Variants in PRR5 observed in about 807,000 individuals in gnomAD.
PRR5 encodes proline rich 5.
A neutral mutation model predicts 30.6 loss-of-function variants in PRR5; 25 were observed. The observed-to-expected ratio is 0.82, with a 90% CI of 0.60 to 1.14. PRR5 has a LOEUF of 1.14. Among genes scored for constraint, PRR5 ranks in the 50% most tolerant of loss-of-function variants. PRR5 has a pLI of 0.00. For missense variants in PRR5, 600 were observed against 547.1 expected, an observed-to-expected ratio of 1.10 and a Z score of -0.96; for synonymous variants, 286 against 247.1, an observed-to-expected ratio of 1.16 and a Z score of -1.48.
chr22:44,669,445 C>T (rs1009616440), intron 1 of PRR5, among the ~76,000 whole-genome samples: 2 of 152,150 alleles, frequency 1.3e-5, no homozygotes, highest in Non-Finnish European at 2.9e-5. Flanking sequence ...GACAGAGACT[C>T]CAGGGCTGGA....
At chr22:44,668,770 C>T (rs1923234376) in exon 1 of PRR5, 1 of 148,802 alleles carries the variant, frequency 6.7e-6, no homozygotes, top group Non-Finnish European at 1.5e-5. Flanking sequence ...TCTGGCTCTG[C>T]GCGGTGGCAG....
chr22:44,688,489 T>C (rs1227154089), intron 1 of PRR5, among the ~76,000 whole-genome samples: 1 of 152,200 alleles, frequency 6.6e-6, no homozygotes, highest in Non-Finnish European at 1.5e-5. Flanking sequence ...CTGCTTAGGC[T>C]TGGAACCCAG....
rs1569111635 is a variant in PRR5 at position 44,732,849 on chromosome 22, CACGT to C, written c.555+459_555+462del. Among the ~76,000 whole-genome samples the C allele has an allele frequency of 7.2e-5, 10 of 138,212 alleles. No individual in the cohort carries two copies. The East Asian group carries it at 1.6e-3, about 22-fold the overall frequency. 90.7% of individuals were successfully genotyped at this position (138,212 alleles called of 152,430 possible). A position where few individuals can be genotyped will look rare whatever the true frequency, so the allele number is the denominator to read the frequency against. On this transcript the variant is annotated intron_variant, in intron 6 of 7. Coordinates refer to ENST00000336985, the MANE Select transcript of PRR5 (RefSeq NM_181333.4). ...CACGCACATACTACACACGTGCACA[CACGT>C]GCACACGCACATACTACACACTGCA...
chr22:44,708,966 CAAAAAAAAAAA>C (rs60854330), intron 1 of PRR5, among the ~76,000 whole-genome samples: 18,879 of 64,500 alleles, frequency 0.29, 1,667 homozygotes, highest in South Asian at 0.4. Flanking sequence ...GACTCTGTCT[CAAAAAAAAAAA>C]AAAAAAAAAA....
At chr22:44,678,743 G>A (rs533533666) in intron 1 of PRR5, among the ~76,000 whole-genome samples, 36 of 152,324 alleles carry the variant, frequency 2.4e-4, no homozygotes, top group African/African-American at 8.4e-4. Flanking sequence ...CTCTGCTCAT[G>A]CCTTTGGGCC....
At chr22:44,732,913 TAC>T (rs750267452) in intron 6 of PRR5, among the ~76,000 whole-genome samples, 20,867 of 141,498 alleles carry the variant, frequency 0.15, 2,173 homozygotes, top group East Asian at 0.27. Context: ...GCATACACAC[TAC>T]ACACGTGCGC....
rs1569071007 is a variant in PRR5 at position 44,690,695 on chromosome 22, G to A, written c.-10-11797G>A. On this transcript the variant is annotated intron_variant, in intron 1 of 8. Coordinates refer to the PRR5 transcript ENST00000006251. ...GGCTGCACAGCCCATGCTCTGAATC[G>A]CACTTTACTACCCACTGTTATTATT... is the stretch of plus-strand genomic sequence containing the variant. 3.9e-5 allele frequency among the ~76,000 whole-genome samples: 6 copies of A among 152,290 alleles called. No homozygotes were observed. The South Asian group carries it at 1.0e-3, about 26-fold the overall frequency.
At chr22:44,720,514 A>T (rs1929762764) in intron 2 of PRR5, among the ~76,000 whole-genome samples, 1 of 152,172 alleles carries the variant, frequency 6.6e-6, no homozygotes, top group South Asian at 2.1e-4. Context: ...AAGGGGTCTC[A>T]CAGGTCAGGA....
rs747667470 is a variant in PRR5 at position 44,735,170 on chromosome 22, T to C, written c.691+8T>C. The C allele has an allele frequency of 8.1e-6, 13 of 1,611,102 alleles. 1 individual carries two copies. The South Asian group carries it at 1.2e-4, about 15-fold the overall frequency. Reference sequence around the variant, plus strand: ...CCCATTCCTGCATCCTGGGTAGGGGTCCGCCTGGGCCTTGGGCTGGGGCAG... The same window carrying C: ...CCCATTCCTGCATCCTGGGTAGGGGCCCGCCTGGGCCTTGGGCTGGGGCAG... On this transcript the variant is annotated splice_region_variant and intron_variant, in intron 7 of 7. Coordinates refer to ENST00000336985, the MANE Select transcript of PRR5 (RefSeq NM_181333.4).
chr22:44,728,545 G>A (rs1206669590), intron 4 of PRR5, among the ~76,000 whole-genome samples: 2 of 152,264 alleles, frequency 1.3e-5, no homozygotes, highest in African/African-American at 4.8e-5. Flanking sequence ...TTCCACCTTG[G>A]CAGTCAGAGA....
chr22:44,675,294 C>T (rs1268868962), upstream of PRR5, among the ~76,000 whole-genome samples: 1 of 152,028 alleles, frequency 6.6e-6, no homozygotes, highest in African/African-American at 2.4e-5. Flanking sequence ...GGTTTTGCCA[C>T]GTTGCCCAGG....
chr22:44,733,192 G>C (rs1922550138), intron 6 of PRR5, among the ~76,000 whole-genome samples: 1 of 152,222 alleles, frequency 6.6e-6, no homozygotes, highest in Non-Finnish European at 1.5e-5. Context: ...AAAGGAGTGG[G>C]GCCCCCAGTG....
chr22:44,684,855 T>G (rs1039803058), intron 1 of PRR5, among the ~76,000 whole-genome samples: 5 of 152,200 alleles, frequency 3.3e-5, no homozygotes, highest in African/African-American at 1.2e-4. Flanking sequence ...TGGTGAAATG[T>G]CATCTCTGGA....
At chr22:44,684,009 G>A (rs1924520364) in intron 1 of PRR5, among the ~76,000 whole-genome samples, 1 of 152,232 alleles carries the variant, frequency 6.6e-6, no homozygotes, top group Non-Finnish European at 1.5e-5. Flanking sequence ...GCAGCGACAG[G>A]TAGGGTGTGT....
chr22:44,694,134 G>A (rs1449178543), intron 1 of PRR5, among the ~76,000 whole-genome samples: 1 of 152,192 alleles, frequency 6.6e-6, no homozygotes, highest in African/African-American at 2.4e-5. Flanking sequence ...GGCCAAGAAG[G>A]GCCAGCACGT....
In PRR5 at chr22:44,691,692, T is replaced by C. The variant is rs1286930658; in HGVS notation, c.-10-10800T>C. Among the ~76,000 whole-genome samples the C allele has an allele frequency of 6.6e-6, 1 of 152,036 alleles. No homozygotes were observed. The highest frequency in any genetic ancestry group is 1.5e-5 in the Non-Finnish European group (1 of 67,982). ...AGGAGGCTGAGGAAGGAGAATCGCT[T>C]GAACCTGGGAGGTAGAGGCTGCAGT... On this transcript the variant is annotated intron_variant, in intron 1 of 8. Coordinates refer to the PRR5 transcript ENST00000006251. The surrounding 1 kb of genome is among the most constrained non-coding windows in gnomAD (Gnocchi z 4.4).
At position 44,737,219 on chromosome 22, in the gene PRR5, G is replaced by T. The variant is rs1923449518; in HGVS notation, c.1139G>T (p.Gly380Val). The T allele has an allele frequency of 1.2e-6, 2 of 1,605,584 alleles. No individual in the cohort carries two copies. The highest frequency in any genetic ancestry group is 1.7e-5 in the Admixed American group (1 of 59,854). Residue 380 changes from glycine (G) to valine (V), a missense_variant, in exon 8 of 8, where the codon GGC becomes GTC. Transcript: ENST00000336985. ...GRGSGMSDLE[G>V]SGGRQSVV ...GGCTCTGGCATGTCCGACTTGGAGG[G>T]CTCTGGGGGCCGGCAGAGTGTCGTG...
chr22:44,735,876 C>T (rs139420284), intron 7 of PRR5, among the ~76,000 whole-genome samples: 3 of 152,346 alleles, frequency 2.0e-5, no homozygotes, highest in Non-Finnish European at 2.9e-5. Context: ...TGGTGTGTCT[C>T]AGCTCAGGCA....
intron 1 of PRR5, chr22:44,679,791 CAT>C: frequency 3.1e-6 from 5 of 1,592,956 alleles, no homozygotes; most frequent in Non-Finnish European, 4.3e-6. Flanking sequence ...GGTCAGAAGA[CAT>C]AGAGCCATGG....
Sources: allele counts gnomAD v4.1 joint callset (sites outside exome capture counted in the v4.1 genomes callset), GRCh38; gene constraint gnomAD v4.1.1; non-coding constraint Gnocchi (gnomAD v3.1); transcripts MANE v1.5; gene names NCBI Gene and HGNC (gene_info 2026-07-23, HGNC 2026-07-21).